DLG2: variants seen among roughly 807,000 people sequenced by gnomAD.
DLG2 encodes the protein discs large MAGUK scaffold protein 2.
DLG2 carries 45 observed loss-of-function variants against 132.5 expected under a neutral mutation model. The ratio of observed to expected loss-of-function variants is 0.34; its 90% CI spans 0.27 to 0.44. The LOEUF (loss-of-function observed/expected upper bound fraction) is 0.44. DLG2 is among the 20% of genes least tolerant of loss of function. The pLI, the probability that DLG2 is intolerant of heterozygous loss-of-function variation, is 1.00. For synonymous variants in DLG2, 424 were observed against 419.6 expected (o/e 1.01, Z -0.13); for missense variants, 1,045 against 1,196.9 (o/e 0.87, Z 1.87).
intron 7 of DLG2, among the ~76,000 whole-genome samples, chr11:84,460,126 TA>T (rs1221490804): frequency 1.3e-5 from 2 of 150,640 alleles, no homozygotes; most frequent in African/African-American, 4.8e-5. Context: ...GATACTTTTT[TA>T]TTTTTTTGAT....
chr11:85,296,218 T>G (rs1257400880), intron 3 of DLG2, among the ~76,000 whole-genome samples: 1 of 152,140 alleles, frequency 6.6e-6, no homozygotes, highest in Non-Finnish European at 1.5e-5. Flanking sequence ...AAGTATAGAT[T>G]TACTTAATAT....
chr11:84,174,897 G>A (rs1314115206), intron 8 of DLG2, among the ~76,000 whole-genome samples: 1 of 152,106 alleles, frequency 6.6e-6, no homozygotes, highest in Non-Finnish European at 1.5e-5. Flanking sequence ...ACTATCTTAA[G>A]TTCATCTAAT....
At chr11:84,090,366 A>G (rs1277760512) in intron 10 of DLG2, among the ~76,000 whole-genome samples, 2 of 147,262 alleles carry the variant, frequency 1.4e-5, no homozygotes, top group East Asian at 4.1e-4. Flanking sequence ...GTGAGCCAAG[A>G]TCGCACCATT....
At chr11:84,234,356 T>G (rs534010719) in intron 8 of DLG2, among the ~76,000 whole-genome samples, 19 of 152,338 alleles carry the variant, frequency 1.2e-4, no homozygotes, top group Non-Finnish European at 2.2e-4. Flanking sequence ...CCTTCTGCCT[T>G]CTGCCCATCA....
chr11:85,482,683 T>C (rs1447262258), intron 3 of DLG2, among the ~76,000 whole-genome samples: 7 of 151,960 alleles, frequency 4.6e-5, no homozygotes, highest in East Asian at 1.9e-4. Flanking sequence ...AGGCAAGTAC[T>C]TGTGATCCTA....
intron 11 of DLG2, among the ~76,000 whole-genome samples, chr11:83,985,400 GT>G (rs1224939347): frequency 2.6e-5 from 4 of 151,738 alleles, no homozygotes; most frequent in Admixed American, 6.6e-5. Context: ...GTCCAGGTTT[GT>G]CACATTGGTA....
At chr11:85,351,691 G>C (rs1325572194) in intron 3 of DLG2, among the ~76,000 whole-genome samples, 1 of 152,164 alleles carries the variant, frequency 6.6e-6, no homozygotes, top group African/African-American at 2.4e-5. Context: ...TGTTGGTTCT[G>C]TTTACGTGAT....
intron 19 of DLG2, among the ~76,000 whole-genome samples, chr11:83,602,642 A>T (rs902298484): frequency 2.0e-5 from 3 of 152,226 alleles, no homozygotes; most frequent in African/African-American, 4.8e-5. Context: ...TTTCAGTCTT[A>T]GAACTGGACA....
At chr11:84,274,198 G>A (rs2097763735) in intron 7 of DLG2, among the ~76,000 whole-genome samples, 1 of 152,212 alleles carries the variant, frequency 6.6e-6, no homozygotes, top group African/African-American at 2.4e-5. Flanking sequence ...TACCCACACA[G>A]GGAGGTGAGG....
intron 7 of DLG2, among the ~76,000 whole-genome samples, chr11:84,380,784 T>A (rs1025346167): frequency 6.6e-6 from 1 of 151,948 alleles, no homozygotes; most frequent in East Asian, 1.9e-4. Context: ...ATTTAGTGTT[T>A]TCATAACAAA....
chr11:83,892,934 G>A (rs926186510), intron 15 of DLG2, among the ~76,000 whole-genome samples: 1 of 152,116 alleles, frequency 6.6e-6, no homozygotes, highest in Non-Finnish European at 1.5e-5. Context: ...TGCGAGAAAG[G>A]ACATTTATTT....
intron 16 of DLG2, among the ~76,000 whole-genome samples, chr11:83,835,901 G>T (rs1407265205): frequency 6.6e-6 from 1 of 151,726 alleles, no homozygotes; most frequent in Non-Finnish European, 1.5e-5. Flanking sequence ...ACATGAGATT[G>T]CACACACACA....
intron 3 of DLG2, among the ~76,000 whole-genome samples, chr11:85,408,633 G>C (rs1284186090): frequency 6.8e-6 from 1 of 147,620 alleles, no homozygotes; most frequent in Non-Finnish European, 1.5e-5. Flanking sequence ...ACCTATGAGT[G>C]AGAACATGCG....
intron 6 of DLG2, among the ~76,000 whole-genome samples, chr11:84,706,079 G>C (rs2059745707): frequency 6.6e-6 from 1 of 151,764 alleles, no homozygotes; most frequent in Non-Finnish European, 1.5e-5. Context: ...TGTCTTCCAT[G>C]AAGAGATGAC....
At chr11:84,361,454 C>T (rs909501714) in intron 7 of DLG2, among the ~76,000 whole-genome samples, 1 of 151,876 alleles carries the variant, frequency 6.6e-6, no homozygotes, top group Non-Finnish European at 1.5e-5. Flanking sequence ...AAAGGACTGT[C>T]AATCTAGAAA....
intron 7 of DLG2, among the ~76,000 whole-genome samples, chr11:84,293,778 G>A (rs757283191): frequency 2.0e-5 from 3 of 152,136 alleles, no homozygotes; most frequent in Non-Finnish European, 2.9e-5. Flanking sequence ...AAACTAAGCC[G>A]TTGCTGAAGT....
At chr11:85,024,089 T>C (rs1056090574) in intron 6 of DLG2, among the ~76,000 whole-genome samples, 4 of 152,158 alleles carry the variant, frequency 2.6e-5, no homozygotes, top group Non-Finnish European at 4.4e-5. Flanking sequence ...TGTCTTCGTT[T>C]CTTCATCTAA....
chr11:85,346,726 G>C (rs908074068), intron 3 of DLG2, among the ~76,000 whole-genome samples: 1 of 152,084 alleles, frequency 6.6e-6, no homozygotes, highest in African/African-American at 2.4e-5. Context: ...ACTCAAAATG[G>C]AGTCGCTTTG....
intron 19 of DLG2, among the ~76,000 whole-genome samples, chr11:83,556,756 T>C (rs2096527517): frequency 2.0e-5 from 3 of 152,178 alleles, no homozygotes; most frequent in Admixed American, 1.3e-4. Context: ...TCAGCTCTGA[T>C]AGAAGTGTAT....
Sources: gnomAD v4.1 joint callset for allele counts (sites outside exome capture counted in the v4.1 genomes callset) on GRCh38, gnomAD v4.1.1 for gene constraint, MANE v1.5 for transcripts, NCBI Gene and HGNC (gene_info 2026-07-23, HGNC 2026-07-21) for gene names.